The following CFAP299 variants were observed in gnomAD, a reference collection of about 807,000 sequenced individuals.
CFAP299 encodes the protein cilia- and flagella-associated protein 299.
A neutral mutation model predicts 27.0 loss-of-function variants in CFAP299; 21 were observed. The observed-to-expected ratio is 0.78, with a 90% CI of 0.55 to 1.12. The LOEUF (loss-of-function observed/expected upper bound fraction) is 1.12, where lower values mean the gene tolerates loss of function less well. Among genes scored for constraint, CFAP299 ranks in the 50% most tolerant of loss-of-function variants. CFAP299 has a pLI of 0.00. For missense variants in CFAP299, 310 were observed against 276.6 expected (o/e 1.12, Z -0.86); for synonymous variants, 104 against 98.1 (o/e 1.06, Z -0.36).
chr4:80,669,137 CTTTCTTTCTTTCT>C (rs1741310422), intron 3 of CFAP299, among the ~76,000 whole-genome samples: 3 of 15,564 alleles, frequency 1.9e-4, no homozygotes, highest in South Asian at 9.1e-3. Context: ...TTCTGTCTTT[CTTTCTTTCTTTCT>C]TTTTTTTTTT....
chr4:80,868,905 C>CTCTCTCTGTG (rs1435285713), intron 3 of CFAP299, among the ~76,000 whole-genome samples: 219 of 137,672 alleles, frequency 1.6e-3, no homozygotes, highest in Middle Eastern at 7.2e-3. Flanking sequence ...GCTTCTCTCT[C>CTCTCTCTGTG]TGTGTGTGTG....
At chr4:80,678,357 G>A (rs913154030) in intron 3 of CFAP299, among the ~76,000 whole-genome samples, 6 of 152,114 alleles carry the variant, frequency 3.9e-5, no homozygotes, top group Non-Finnish European at 8.8e-5. Flanking sequence ...GCATTGTGCA[G>A]TAGATGTTTT....
At chr4:80,390,763 A>ATATATACATATACACATATATG (rs1725376337) in intron 2 of CFAP299, among the ~76,000 whole-genome samples, 1 of 145,514 alleles carries the variant, frequency 6.9e-6, no homozygotes, top group Non-Finnish European at 1.5e-5. Context: ...ACACATATGT[A>ATATATACATATACACATATATG]TATATGTATA....
chr4:80,394,744 C>A (rs1036574212), intron 2 of CFAP299, among the ~76,000 whole-genome samples: 3 of 152,034 alleles, frequency 2.0e-5, no homozygotes, highest in East Asian at 1.9e-4. Context: ...TAAATATGTG[C>A]ATTTTTTTCT....
chr4:80,949,067 A>G (rs1035428647), intron 5 of CFAP299, among the ~76,000 whole-genome samples: 8 of 152,158 alleles, frequency 5.3e-5, no homozygotes, highest in Admixed American at 6.5e-5. Context: ...CCAGAAATAT[A>G]TAATTTAAAC....
At chr4:80,865,904 C>T (rs1200580936) in intron 3 of CFAP299, among the ~76,000 whole-genome samples, 2 of 92,910 alleles carry the variant, frequency 2.2e-5, no homozygotes. Context: ...GAACATCACA[C>T]ACCAGGGTCT....
At chr4:80,790,974 A>G (rs1053658144) in intron 3 of CFAP299, among the ~76,000 whole-genome samples, 1 of 152,070 alleles carries the variant, frequency 6.6e-6, no homozygotes, top group Non-Finnish European at 1.5e-5. Context: ...ACTGGACTAC[A>G]TAACTGAGGC....
At chr4:80,654,784 CTTTTT>C (rs369680550) in intron 3 of CFAP299, among the ~76,000 whole-genome samples, 1 of 126,814 alleles carries the variant, frequency 7.9e-6, no homozygotes. Context: ...TAATTTTTAA[CTTTTT>C]TTTTTTTTTT....
At chr4:80,331,053 C>T (rs919874511), upstream of CFAP299, among the ~76,000 whole-genome samples, 1 of 152,100 alleles carries the variant, frequency 6.6e-6, no homozygotes, top group Non-Finnish European at 1.5e-5. Context: ...GCTCTGGGAA[C>T]ACAGGAGACT....
chr4:80,753,032 TA>T (rs1000181861), intron 3 of CFAP299, among the ~76,000 whole-genome samples: 12 of 151,406 alleles, frequency 7.9e-5, no homozygotes, highest in South Asian at 6.3e-4. Flanking sequence ...ATGCAAATAT[TA>T]AAAAAAAACT....
intron 2 of CFAP299, among the ~76,000 whole-genome samples, chr4:80,563,160 A>G: frequency 6.6e-6 from 1 of 152,104 alleles, no homozygotes; most frequent in Non-Finnish European, 1.5e-5. Context: ...ATCAACAACA[A>G]AAAAATCAGA....
chr4:80,768,019 G>GT (rs1725994738), intron 3 of CFAP299, among the ~76,000 whole-genome samples: 1 of 152,030 alleles, frequency 6.6e-6, no homozygotes, highest in African/African-American at 2.4e-5. Flanking sequence ...AATATGCCTG[G>GT]TTGTACACAA....
At chr4:80,478,176 T>C (rs994904041) in intron 2 of CFAP299, among the ~76,000 whole-genome samples, 1 of 152,190 alleles carries the variant, frequency 6.6e-6, no homozygotes, top group Non-Finnish European at 1.5e-5. Flanking sequence ...ACCTGGTGTA[T>C]TGTATGCCAA....
intron 3 of CFAP299, among the ~76,000 whole-genome samples, chr4:80,592,232 C>T (rs1736825567): frequency 6.6e-6 from 1 of 151,940 alleles, no homozygotes; most frequent in Admixed American, 6.5e-5. Context: ...ATTTGTGTTA[C>T]TGCAATTATA....
chr4:80,672,537 T>G (rs1462167717), intron 3 of CFAP299, among the ~76,000 whole-genome samples: 1 of 152,172 alleles, frequency 6.6e-6, no homozygotes. Context: ...TTAGGGAGGA[T>G]TCCCTCTTTT....
At chr4:80,565,645 G>C (rs1474643090) in intron 2 of CFAP299, among the ~76,000 whole-genome samples, 2 of 151,786 alleles carry the variant, frequency 1.3e-5, no homozygotes, top group African/African-American at 4.8e-5. Flanking sequence ...TATCTAGCTG[G>C]TATCATACCT....
chr4:80,387,713 A>T, intron 2 of CFAP299: 1 of 1,580,758 alleles, frequency 6.3e-7, no homozygotes. Flanking sequence ...ATGCATTGGA[A>T]GGGCTTCTCA....
At chr4:80,632,688 G>T (rs1312778905) in intron 3 of CFAP299, among the ~76,000 whole-genome samples, 3 of 150,688 alleles carry the variant, frequency 2.0e-5, no homozygotes, top group African/African-American at 7.3e-5. Flanking sequence ...GGAAATCTTT[G>T]CATGATGAGG....
chr4:80,599,368 C>T (rs1356434428), intron 3 of CFAP299, among the ~76,000 whole-genome samples: 1 of 152,082 alleles, frequency 6.6e-6, no homozygotes, highest in Non-Finnish European at 1.5e-5. Context: ...TTTTCTAACT[C>T]GTTATTAGCA....
Sources: gnomAD v4.1 joint callset for allele counts (sites outside exome capture counted in the v4.1 genomes callset) on GRCh38, gnomAD v4.1.1 for gene constraint, MANE v1.5 for transcripts, NCBI Gene and HGNC (gene_info 2026-07-23, HGNC 2026-07-21) for gene names.